The following VSIG10L2 variants were observed in gnomAD, a reference collection of about 807,000 sequenced individuals.
VSIG10L2 encodes the protein V-set and immunoglobulin domain-containing protein 10-like 2.
A neutral mutation model predicts 67.1 loss-of-function variants in VSIG10L2; 56 were observed. The observed-to-expected ratio is 0.83, with a 90% CI of 0.67 to 1.04. VSIG10L2 has a LOEUF of 1.04. VSIG10L2 is among the 50% of genes least tolerant of loss of function. VSIG10L2 has a pLI of 0.00. For synonymous variants in VSIG10L2, 360 were observed against 396.6 expected (o/e 0.91, Z 1.10); for missense variants, 843 against 932.8 (o/e 0.90, Z 1.25).
chr11:125,952,201 T>C, intron 6 of VSIG10L2, 128 bp downstream of exon 6: 1 of 1,279,876 alleles, frequency 7.8e-7, no homozygotes, highest in East Asian at 2.6e-5. Flanking sequence ...ACGGGGAAGC[T>C]AGGAGGTAGT....
chr11:125,953,304 C>T (rs1018154044), intron 6 of VSIG10L2, 96 bp from the exon 7 acceptor site: 127 of 1,074,884 alleles, frequency 1.2e-4, no homozygotes, highest in Non-Finnish European at 1.4e-4. Context: ...CTCCGCAGCT[C>T]TCCCGCTCCA....
At position 125,956,082 on chromosome 11, in the gene VSIG10L2, A is replaced by G. The variant is rs1410049925; in HGVS notation, c.*168A>G. On this transcript the variant is annotated 3_prime_UTR_variant, in exon 12 of 12. Coordinates refer to ENST00000686984, the MANE Select transcript of VSIG10L2 (RefSeq NM_001365077.2). ...TACAAGGCCCAGCTGCAGTGTCCCT[A>G]AGTGACATGGTTACAAGAGAAGCCC... The G allele has an allele frequency of 1.0e-5, 7 of 690,042 alleles. No individual in the cohort carries two copies. The highest frequency in any genetic ancestry group is 1.9e-5 in the Non-Finnish European group (7 of 378,050). The allele number at this position is 690,042 out of a possible 1,614,324, so 42.7% of individuals were successfully genotyped here.
intron 1 of VSIG10L2, among the ~76,000 whole-genome samples, chr11:125,947,225 C>G (rs1238567150): frequency 2.0e-5 from 3 of 152,140 alleles, no homozygotes; most frequent in African/African-American, 7.2e-5. Context: ...AACTCCAGAC[C>G]CCGAGCCACC....
In VSIG10L2 at chr11:125,955,483, C is replaced by A. The variant is rs539968957; in HGVS notation, c.2208C>A (p.Arg736=). ...CTCCTTTTCTTTTCCTTCCTACAGG[C>A]CTTGGTCAATTGCTTGTTCCCACGT... ...YAARHPETFP[R]LGQLLVPTEQ... The change falls in exon 10 of 12, where the codon CGC becomes CGA. Residue 736 remains arginine, a splice_region_variant and synonymous_variant. Coordinates refer to ENST00000686984, the MANE Select transcript of VSIG10L2 (RefSeq NM_001365077.2). The A allele has an allele frequency of 5.6e-4, 447 of 799,298 alleles. No individual in the cohort carries two copies. The highest frequency in any genetic ancestry group is 7.2e-4 in the Non-Finnish European group (364 of 506,014). The allele number at this position is 799,298 out of a possible 1,614,324, so 49.5% of individuals were successfully genotyped here.
intron 4 of VSIG10L2, 28 bp from the exon 5 acceptor site, chr11:125,950,882 C>T (rs1282871783): frequency 8.1e-7 from 1 of 1,232,726 alleles, no homozygotes; most frequent in Non-Finnish European, 1.0e-6. Context: ...GTGGAGCCTG[C>T]TCCAGCCTCA....
At position 125,951,975 on chromosome 11, in the gene VSIG10L2, A is replaced by G. The variant is rs1945380985; in HGVS notation, c.1397A>G (p.His466Arg). ...LGGSSSSMAV[H>R]LLQAQEDLAG... ...GGCAGCAGCTCCTCGATGGCCGTTC[A>G]CCTCCTGCAGGCCCAAGAAGATCTG... The change falls in exon 6 of 12, where the codon CAC becomes CGC. Residue 466 changes from histidine (H) to arginine (R), a missense_variant. By Grantham distance (29) the His-to-Arg change is conservative. Transcript: ENST00000686984. 3 of 1,535,862 alleles carry G rather than the reference A, an allele frequency of 2.0e-6. No individual in the cohort carries two copies. The African/African-American group carries it at 4.1e-5, about 21-fold the overall frequency.
chr11:125,947,433 G>A (rs1945312865), intron 1 of VSIG10L2: 1 of 985,410 alleles, frequency 1.0e-6, no homozygotes, highest in South Asian at 4.7e-5. Context: ...CATGAGGAGT[G>A]GGGATGTCTG....
rs1945390944 is a variant in VSIG10L2 at position 125,952,457 on chromosome 11, CTT to C, written c.1495+385_1495+386del. Among the ~76,000 whole-genome samples, 4 of 152,244 alleles carry C rather than the reference CTT, an allele frequency of 2.6e-5. No homozygotes were observed. The South Asian group carries it at 8.3e-4, about 32-fold the overall frequency. On this transcript the variant is annotated intron_variant, in intron 6 of 11. Transcript: ENST00000686984. ...GAGATATTTTACATTCTTTTTATAT[CTT>C]GTCTCCAAAATCTGGTATATATACA...
At position 125,948,517 on chromosome 11, in the gene VSIG10L2, A is replaced by G; in HGVS notation, c.646A>G (p.Met216Val). Residue 216 changes from methionine (M) to valine (V), a missense_variant, in exon 3 of 12, where the codon ATG (methionine) becomes GTG (valine). Met to Val is a conservative substitution (Grantham distance 21, BLOSUM62 1). Coordinates refer to ENST00000686984, the MANE Select transcript of VSIG10L2 (RefSeq NM_001365077.2). Reference protein sequence around the residue: ...PVNRTHLGWYMCSASNSVNRL... With the variant: ...PVNRTHLGWYVCSASNSVNRL... The stretch of plus-strand genomic sequence containing the variant: ...CAACCGGACACACCTAGGGTGGTAC[A>G]TGTGCAGCGCCAGCAACTCCGTGAA... The G allele has an allele frequency of 8.1e-7, 1 of 1,232,174 alleles. No individual in the cohort carries two copies. The highest frequency in any genetic ancestry group is 1.0e-6 in the Non-Finnish European group (1 of 987,982). 76.3% of individuals were successfully genotyped at this position (1,232,174 alleles called of 1,614,324 possible). A position where few individuals can be genotyped will look rare whatever the true frequency, so the allele number is the denominator to read the frequency against.
rs1341940617 is a variant in VSIG10L2, at chr11:125,953,642, C to T, written c.1738C>T (p.Arg580Cys). The change falls in exon 7 of 12, where the codon CGC becomes TGC. Residue 580 changes from arginine (R) to cysteine (C), a missense_variant. By Grantham distance (180) the Arg-to-Cys change is radical. Around this residue, in one of 2 missense-constraint regions of VSIG10L2, gnomAD observed 397 missense variants for 384.4 expected, o/e 1.03. Coordinates refer to ENST00000686984, the MANE Select transcript of VSIG10L2 (RefSeq NM_001365077.2). ...CAGGGGCACCTACCAATGCGTGGCC[C>T]GCAACGCCGTGGGCAATAGCAGTCA... ...HHRGTYQCVA[R>C]NAVGNSSQSV... The T allele has an allele frequency of 1.1e-5, 13 of 1,232,132 alleles. No individual in the cohort carries two copies. In the Admixed American group the frequency reaches 1.7e-4, roughly 16 times the overall value. The allele number at this position is 1,232,132 out of a possible 1,614,324, so 76.3% of individuals were successfully genotyped here. A position where few individuals can be genotyped will look rare whatever the true frequency, so the allele number is the denominator to read the frequency against.
chr11:125,950,031 G>T lies in VSIG10L2; in HGVS notation c.727G>T (p.Val243Leu). 4.9e-6 allele frequency: 6 copies of T among 1,232,394 alleles called. No homozygotes were observed. Among genetic ancestry groups the T allele is most frequent in the Non-Finnish European group, 6.1e-6 (6 of 988,128 alleles). 76.3% of individuals were successfully genotyped at this position (1,232,394 alleles called of 1,614,324 possible). A position where few individuals can be genotyped will look rare whatever the true frequency, so the allele number is the denominator to read the frequency against. ...CTCTCCAGATGGTCCTGACAAGCCT[G>T]TGATCACCATGGAGCCGCTGGGACT... is the stretch of plus-strand genomic sequence containing the variant. The part of the protein sequence containing the change: ...LDVIYGPDKP[V>L]ITMEPLGLTE... The change falls in exon 4 of 12, where the codon GTG becomes TTG. Residue 243 changes from valine (V) to leucine (L), a missense_variant. Val to Leu is a conservative substitution (Grantham distance 32, BLOSUM62 1). Around this residue, in one of 2 missense-constraint regions of VSIG10L2, gnomAD observed 446 missense variants for 548.4 expected, o/e 0.81. Coordinates refer to ENST00000686984, the MANE Select transcript of VSIG10L2 (RefSeq NM_001365077.2).
In VSIG10L2 at chr11:125,956,205, T is replaced by A. The variant is rs1451551582; in HGVS notation, c.*291T>A. The A allele has an allele frequency of 8.7e-6, 5 of 576,960 alleles. No homozygotes were observed. The highest frequency in any genetic ancestry group is 1.6e-5 in the Non-Finnish European group (5 of 306,670). 35.7% of individuals were successfully genotyped at this position (576,960 alleles called of 1,614,324 possible). A position where few individuals can be genotyped will look rare whatever the true frequency, so the allele number is the denominator to read the frequency against. On this transcript the variant is annotated 3_prime_UTR_variant, in exon 12 of 12. Transcript: ENST00000686984. ...GGTGTCTGAGGGCAAGTGAAAGCCATGGTACTGGGAAGGATCTGTGGTGCT... is the reference window on the plus strand; with the variant it reads ...GGTGTCTGAGGGCAAGTGAAAGCCAAGGTACTGGGAAGGATCTGTGGTGCT...
At chr11:125,954,450 C>A (rs1047085859) in intron 8 of VSIG10L2, 67 bp downstream of exon 8, 34 of 1,187,930 alleles carry the variant, frequency 2.9e-5, no homozygotes, top group Middle Eastern at 3.2e-4. Context: ...TCATCTTCCT[C>A]TTCACAGGGC....
rs979703668 is a variant in VSIG10L2 at position 125,955,644 on chromosome 11, G to C, written c.2261G>C (p.Arg754Thr). The C allele has an allele frequency of 8.5e-6, 13 of 1,532,258 alleles. No individual in the cohort carries two copies. In the African/African-American group the frequency reaches 1.5e-4, roughly 18 times the overall value. The allele number at this position is 1,532,258 out of a possible 1,614,324, so 94.9% of individuals were successfully genotyped here. ...CAAAGGCACCAACAGAGGGGTTCCA[G>C]AGAAGATGCTGAGGCACCGGCAGGT... Reference protein sequence around the residue: ...TEQRHQQRGSREDAEAPAGLE... With the variant: ...TEQRHQQRGSTEDAEAPAGLE... Residue 754 changes from arginine (R) to threonine (T), a missense_variant, in exon 11 of 12, where the codon AGA becomes ACA. Transcript: ENST00000686984.
At position 125,948,034 on chromosome 11, in the gene VSIG10L2, T is replaced by G; in HGVS notation, c.431T>G (p.Leu144Arg). The stretch of plus-strand genomic sequence containing the variant: ...TACTCCCACCTCACGCTGGCTGTGC[T>G]GGGTGAGGGCCTGGCCCCAGCTGCA... ...AAYSHLTLAV[L>R]VPVSKPQVRL... Residue 144 changes from leucine (L) to arginine (R), a missense_variant and splice_region_variant, in exon 2 of 12, where the codon CTG becomes CGG. Physicochemically the swap from Leu to Arg is moderately radical, Grantham distance 102 (BLOSUM62 -2). This residue lies in a region of VSIG10L2 where 446 missense variants were observed against 548.4 expected (regional missense o/e 0.81). Transcript: ENST00000686984. The G allele has an allele frequency of 1.6e-6, 2 of 1,232,512 alleles. 1 individual carries two copies. 76.3% of individuals were successfully genotyped at this position (1,232,512 alleles called of 1,614,324 possible).
chr11:125,953,961 C>T, intron 7 of VSIG10L2, 126 bp from the exon 8 acceptor site: 2 of 858,624 alleles, frequency 2.3e-6, no homozygotes, highest in Non-Finnish European at 3.1e-6. Flanking sequence ...TTCTCAGGTC[C>T]ACAGACCCCA....
intron 7 of VSIG10L2, 48 bp downstream of exon 7, chr11:125,953,738 G>T: frequency 1.6e-6 from 2 of 1,229,752 alleles, no homozygotes; most frequent in South Asian, 4.2e-5. Context: ...GGGGCTGGGA[G>T]ACCAACAGCC....
chr11:125,954,294 G>T lies in VSIG10L2; in HGVS notation c.1994G>T (p.Gly665Val). Reference sequence around the variant, plus strand: ...CCAGAGAGCCGAGGACGGCGGCTGGGGGGCTTGGACCCCGGGGTCCTTTAT... The same window carrying T: ...CCAGAGAGCCGAGGACGGCGGCTGGTGGGCTTGGACCCCGGGGTCCTTTAT... The part of the protein sequence containing the change: ...IEPESRGRRL[G>V]GLDPGVLYAF... Residue 665 changes from glycine to valine, a missense_variant, in exon 8 of 12, where the codon GGG (glycine) becomes GTG (valine). This residue lies in a region of VSIG10L2 where 397 missense variants were observed against 384.4 expected (regional missense o/e 1.03). Coordinates refer to ENST00000686984, the MANE Select transcript of VSIG10L2 (RefSeq NM_001365077.2). 1 of 1,232,244 alleles carries T rather than the reference G, an allele frequency of 8.1e-7. No individual in the cohort carries two copies. Among genetic ancestry groups the T allele is most frequent in the South Asian group, 4.1e-5 (1 of 24,316 alleles). 76.3% of individuals were successfully genotyped at this position (1,232,244 alleles called of 1,614,324 possible).
intron 7 of VSIG10L2, 122 bp from the exon 8 acceptor site, chr11:125,953,965 G>C: frequency 1.1e-6 from 1 of 883,480 alleles, no homozygotes; most frequent in Non-Finnish European, 1.5e-6. Context: ...CAGGTCCACA[G>C]ACCCCAATCC....
Sources: allele counts gnomAD v4.1 joint callset (sites outside exome capture counted in the v4.1 genomes callset), GRCh38; gene constraint gnomAD v4.1.1; regional missense constraint gnomAD v4.1.1; transcripts MANE v1.5; gene names NCBI Gene and HGNC (gene_info 2026-07-23, HGNC 2026-07-21).